The following TRIP12 variants were observed in gnomAD, a reference collection of about 807,000 sequenced individuals.
TRIP12 encodes the protein thyroid hormone receptor interactor 12, also known as E3 ubiquitin-protein ligase TRIP12.
Under a neutral mutation model 244.2 loss-of-function variants are expected in TRIP12, and 25 were observed. The ratio of observed to expected loss-of-function variants is 0.10; its 90% CI spans 0.07 to 0.14. The LOEUF (loss-of-function observed/expected upper bound fraction) is 0.14. TRIP12 is among the 10% of genes least tolerant of loss of function. TRIP12 has a pLI of 1.00. For synonymous variants in TRIP12, 905 were observed against 873.1 expected (o/e 1.04, Z -0.64); for missense variants, 1,677 against 2,486.4 (o/e 0.67, Z 6.92).
chr2:229,772,758 A>G (rs2034877502), intron 38 of TRIP12, among the ~76,000 whole-genome samples: 1 of 151,978 alleles, frequency 6.6e-6, no homozygotes, highest in African/African-American at 2.4e-5. Context: ...CACCACGCCT[A>G]GCCAGTTATT....
At chr2:229,884,236 CTTTTTTTTTT>C (rs200052292) in intron 1 of TRIP12, among the ~76,000 whole-genome samples, 2 of 123,604 alleles carry the variant, frequency 1.6e-5, no homozygotes, top group Admixed American at 8.8e-5. Flanking sequence ...TTTTTCTTTT[CTTTTTTTTTT>C]TTTTTTTTGA....
At chr2:229,870,923 T>C (rs1400829171) in intron 2 of TRIP12, among the ~76,000 whole-genome samples, 2 of 152,068 alleles carry the variant, frequency 1.3e-5, no homozygotes, top group African/African-American at 4.8e-5. Flanking sequence ...CCTGTAATCC[T>C]AGCACTACGG....
chr2:229,779,393 TC>T (rs1315796968), intron 34 of TRIP12, among the ~76,000 whole-genome samples: 1 of 152,204 alleles, frequency 6.6e-6, no homozygotes, highest in Admixed American at 6.5e-5. Context: ...CAGCATCTGC[TC>T]CCAACAGTTA....
chr2:229,893,562 C>T (rs1429874601), intron 1 of TRIP12, among the ~76,000 whole-genome samples: 2 of 151,958 alleles, frequency 1.3e-5, no homozygotes, highest in Non-Finnish European at 2.9e-5. Flanking sequence ...GTATGTACTC[C>T]TTTGTGTAAG....
rs2031130353 is a variant in TRIP12 at position 229,764,187 on chromosome 2, T to C, written c.*3367A>G. On this transcript the variant is annotated 3_prime_UTR_variant, in exon 42 of 42. Coordinates refer to ENST00000675903, the MANE Select transcript of TRIP12 (RefSeq NM_001348323.3). ...CTGTTTTCTATATTTATAAATGCTA[T>C]TTTGTCTGGATTTTTTTTTTTGAGG... is the stretch of plus-strand genomic sequence containing the variant. The C allele has an allele frequency of 6.6e-6, 1 of 152,198 alleles. No individual in the cohort carries two copies. Among genetic ancestry groups the C allele is most frequent in the Non-Finnish European group, 1.5e-5 (1 of 68,040 alleles). 9.4% of individuals were successfully genotyped at this position (152,198 alleles called of 1,614,324 possible).
intron 1 of TRIP12, among the ~76,000 whole-genome samples, chr2:229,903,100 G>C (rs2071553896): frequency 6.9e-6 from 1 of 145,470 alleles, no homozygotes; most frequent in African/African-American, 2.6e-5. Flanking sequence ...GCATCCTCTA[G>C]GAATACTTTT....
At chr2:229,796,210 A>C (rs936995144) in intron 25 of TRIP12, among the ~76,000 whole-genome samples, 1 of 152,240 alleles carries the variant, frequency 6.6e-6, no homozygotes, top group Non-Finnish European at 1.5e-5. Flanking sequence ...AAACAAGAAA[A>C]TATAACTCCT....
chr2:229,774,014 G>A (rs569444310), intron 38 of TRIP12, 83 bp downstream of exon 38: 52 of 1,444,340 alleles, frequency 3.6e-5, no homozygotes, highest in East Asian at 4.6e-5. Flanking sequence ...AAGCCATAGC[G>A]TGTGCAGCCA....
intron 4 of TRIP12, among the ~76,000 whole-genome samples, chr2:229,842,903 GATA>G (rs1197463320): frequency 1.1e-4 from 16 of 152,156 alleles, no homozygotes; most frequent in East Asian, 1.9e-4. Flanking sequence ...ACTTAAATGT[GATA>G]ATAATATACT....
intron 39 of TRIP12, among the ~76,000 whole-genome samples, chr2:229,770,401 G>A (rs1361961085): frequency 6.6e-6 from 1 of 152,184 alleles, no homozygotes; most frequent in Non-Finnish European, 1.5e-5. Context: ...GTGACAAGCA[G>A]TGCCTACAAG....
chr2:229,781,546 T>C (rs1559358155), intron 34 of TRIP12, among the ~76,000 whole-genome samples: 1 of 152,352 alleles, frequency 6.6e-6, no homozygotes, highest in Non-Finnish European at 1.5e-5. Flanking sequence ...CCACATTCCC[T>C]GCTCCTGATC....
At chr2:229,840,426 G>A (rs2056106933) in intron 5 of TRIP12, among the ~76,000 whole-genome samples, 1 of 152,110 alleles carries the variant, frequency 6.6e-6, no homozygotes, top group Non-Finnish European at 1.5e-5. Context: ...AAATCATCGG[G>A]CACGGTGGCT....
At chr2:229,830,873 G>A in intron 6 of TRIP12, 34 bp from the exon 7 acceptor site, 1 of 1,604,118 alleles carries the variant, frequency 6.2e-7, no homozygotes, top group Middle Eastern at 1.7e-4. Context: ...GGGTTAGGAG[G>A]AGCACTTAAA....
chr2:229,822,741 A>T (rs190893610), intron 8 of TRIP12, among the ~76,000 whole-genome samples: 26 of 152,334 alleles, frequency 1.7e-4, no homozygotes, highest in African/African-American at 4.8e-4. Context: ...TGGGGGAAAA[A>T]AAGACAATAA....
In TRIP12 at chr2:229,804,168, C is replaced by G; in HGVS notation, c.2710G>C (p.Glu904Gln). 1 of 1,614,058 alleles carries G rather than the reference C, an allele frequency of 6.2e-7. No homozygotes were observed. Among genetic ancestry groups the G allele is most frequent in the South Asian group, 1.1e-5 (1 of 91,072 alleles). ...GTCTTAATAAAAGACTTAGCCAGTT[C>G]CGGATCCTCTTTCATAAGCTGTGCT... ...ARAQLMKEDP[E>Q]LAKSFIKTLF... The change falls in exon 19 of 42, where the codon GAA (glutamate) becomes CAA (glutamine). Residue 904 changes from glutamate (E) to glutamine (Q), a missense_variant. Transcript: ENST00000675903.
intron 17 of TRIP12, 134 bp downstream of exon 17, chr2:229,807,574 G>T: frequency 8.7e-7 from 1 of 1,154,138 alleles, no homozygotes. Context: ...TTGTTCTCAG[G>T]AGACAAAATG....
At chr2:229,917,380 C>CACAAAAAAAAAAA (rs2075659485) in intron 1 of TRIP12, among the ~76,000 whole-genome samples, 1 of 29,258 alleles carries the variant, frequency 3.4e-5, no homozygotes, top group Non-Finnish European at 6.0e-5. Flanking sequence ...GACTCTGTCT[C>CACAAAAAAAAAAA]AAAAAAAAAA....
intron 30 of TRIP12, among the ~76,000 whole-genome samples, chr2:229,790,706 T>C (rs1178405218): frequency 1.3e-5 from 2 of 152,196 alleles, no homozygotes; most frequent in Non-Finnish European, 2.9e-5. Flanking sequence ...TATTCGATGG[T>C]CATTACATTA....
At chr2:229,920,038 A>T (rs1312357212) in intron 1 of TRIP12, among the ~76,000 whole-genome samples, 1 of 152,208 alleles carries the variant, frequency 6.6e-6, no homozygotes, top group Admixed American at 6.5e-5. Flanking sequence ...TATTGTCTCT[A>T]AACCTCTGCT....
Sources: gnomAD v4.1 joint callset for allele counts (sites outside exome capture counted in the v4.1 genomes callset) on GRCh38, gnomAD v4.1.1 for gene constraint, MANE v1.5 for transcripts, NCBI Gene and HGNC (gene_info 2026-07-23, HGNC 2026-07-21) for gene names.